The following CTTNBP2 variants were observed in gnomAD, a reference collection of about 807,000 sequenced individuals.
CTTNBP2 encodes the protein cortactin binding protein 2.
In CTTNBP2, 108 loss-of-function variants were observed where a neutral mutation model predicts 156.9. The observed-to-expected ratio is 0.69, with a 90% confidence interval of 0.59 to 0.81. CTTNBP2 has a LOEUF of 0.81. Ranked by LOEUF, CTTNBP2 falls within the 30% of genes least tolerant of loss-of-function variation. The pLI, the probability that CTTNBP2 is intolerant of heterozygous loss-of-function variation, is 0.00. For synonymous variants in CTTNBP2, 767 were observed against 751.8 expected, an observed-to-expected ratio of 1.02 and a Z score of -0.33; for missense variants, 1,924 against 2,035.4, an observed-to-expected ratio of 0.95 and a Z score of 1.05.
At position 117,791,255 on chromosome 7, in the gene CTTNBP2, G is replaced by T. The variant is rs1416284304; in HGVS notation, c.1941C>A (p.Asn647Lys). Residue 647 changes from asparagine to lysine, a missense_variant, in exon 4 of 23, where the codon AAC becomes AAA. Asn to Lys is a moderately conservative substitution (Grantham distance 94, BLOSUM62 0). Transcript: ENST00000160373. Reference sequence around the variant, plus strand: ...GGGAACTGTCTGAACATGCAGGTTGGTTCAGTCCGGGGGTTGCAGCAGGCC... The same window carrying T: ...GGGAACTGTCTGAACATGCAGGTTGTTTCAGTCCGGGGGTTGCAGCAGGCC... ...GAWPAATPGL[N>K]QPACSDSSLV... The T allele has an allele frequency of 6.2e-7, 1 of 1,614,182 alleles. No individual in the cohort carries two copies. The highest frequency in any genetic ancestry group is 1.7e-5 in the Admixed American group (1 of 60,026).
intron 2 of CTTNBP2, among the ~76,000 whole-genome samples, chr7:117,834,645 T>C (rs1451613232): frequency 6.6e-6 from 1 of 152,260 alleles, no homozygotes; most frequent in Non-Finnish European, 1.5e-5. Context: ...AAAGAATATG[T>C]ACCTAACTCA....
chr7:117,718,007 GGGACACTTACCTTT>G lies in CTTNBP2; in HGVS notation c.4743_4746+10del. 1 of 1,532,942 alleles carries G rather than the reference GGGACACTTACCTTT, an allele frequency of 6.5e-7. No homozygotes were observed. Among genetic ancestry groups the G allele is most frequent in the Non-Finnish European group, 9.0e-7 (1 of 1,106,254 alleles). 95.0% of individuals were successfully genotyped at this position (1,532,942 alleles called of 1,614,324 possible). On this transcript the variant is annotated splice_donor_variant and splice_donor_5th_base_variant and coding_sequence_variant and intron_variant, in exon 22 of 23. Transcript: ENST00000160373. LOFTEE classifies it high-confidence loss of function. ...ATCCTTTGTTCACTTTGGGGAGAAA[GGGACACTTACCTTT>G]TGTGACACTGGCATTCTCAGATTAT...
At chr7:117,837,196 T>A (rs1802009363) in intron 2 of CTTNBP2, among the ~76,000 whole-genome samples, 1 of 152,150 alleles carries the variant, frequency 6.6e-6, no homozygotes, top group African/African-American at 2.4e-5. Context: ...AGCCAATATA[T>A]CTCTTAGGAG....
intron 2 of CTTNBP2, among the ~76,000 whole-genome samples, chr7:117,847,856 A>G (rs1253576272): frequency 2.8e-5 from 3 of 106,862 alleles, no homozygotes; most frequent in Non-Finnish European, 5.0e-5. Context: ...TTTTTGAGAC[A>G]GAGTCTTGCC....
At position 117,735,430 on chromosome 7, in the gene CTTNBP2, A is replaced by T. The variant is rs992215636; in HGVS notation, c.3536-9T>A. 1.9e-6 allele frequency: 3 copies of T among 1,584,400 alleles called. No homozygotes were observed. The highest frequency in any genetic ancestry group is 2.6e-6 in the Non-Finnish European group (3 of 1,171,718). ...CACTGGGATCAGACAAGCTATAATAAAAAAGGAAATTCAGTGATTCAAGCT... is the reference window on the plus strand; with the variant it reads ...CACTGGGATCAGACAAGCTATAATATAAAAGGAAATTCAGTGATTCAAGCT... On this transcript the variant is annotated splice_polypyrimidine_tract_variant and intron_variant, in intron 14 of 22. Coordinates refer to ENST00000160373, the MANE Select transcript of CTTNBP2 (RefSeq NM_033427.3).
chr7:117,856,160 G>A (rs1803303269), intron 2 of CTTNBP2, among the ~76,000 whole-genome samples: 1 of 152,112 alleles, frequency 6.6e-6, no homozygotes, highest in Non-Finnish European at 1.5e-5. Flanking sequence ...ATGCAACTAG[G>A]AAAAGTTCCA....
intron 14 of CTTNBP2, among the ~76,000 whole-genome samples, chr7:117,737,085 A>T (rs1371406866): frequency 6.6e-6 from 1 of 152,142 alleles, no homozygotes; most frequent in Non-Finnish European, 1.5e-5. Context: ...AGAAACAATC[A>T]CAGCCACCTC....
chr7:117,714,861 G>A (rs1167602066), intron 22 of CTTNBP2, among the ~76,000 whole-genome samples: 1 of 152,192 alleles, frequency 6.6e-6, no homozygotes, highest in East Asian at 1.9e-4. Context: ...TGGAAGTCAA[G>A]CCTAGGGGGC....
intron 4 of CTTNBP2, among the ~76,000 whole-genome samples, chr7:117,789,873 A>G (rs1159889146): frequency 1.3e-5 from 2 of 152,222 alleles, no homozygotes; most frequent in African/African-American, 2.4e-5. Flanking sequence ...TCTAACTTCC[A>G]AGTCCATGCT....
At chr7:117,800,399 T>C (rs1220886479) in intron 3 of CTTNBP2, among the ~76,000 whole-genome samples, 1 of 152,062 alleles carries the variant, frequency 6.6e-6, no homozygotes, top group Non-Finnish European at 1.5e-5. Context: ...GATGGAAATA[T>C]TCTATATCTT....
chr7:117,838,974 G>GGGA (rs1384295694), intron 2 of CTTNBP2, among the ~76,000 whole-genome samples: 25 of 107,006 alleles, frequency 2.3e-4, no homozygotes, highest in African/African-American at 8.9e-4. Context: ...GGGCGGGGGG[G>GGGA]GGGCTTTTAA....
Position 117,856,333 on chromosome 7 carries a change from C to T in CTTNBP2, c.189+4876G>A, listed in dbSNP as rs188800650. On this transcript the variant is annotated intron_variant, in intron 2 of 22. Coordinates refer to ENST00000160373, the MANE Select transcript of CTTNBP2 (RefSeq NM_033427.3). ...TTTAAGCATGCTGATGAGGCTAACTCCCTAAGAAGAGTAGTAAAACAAAAA... is the reference window on the plus strand; with the variant it reads ...TTTAAGCATGCTGATGAGGCTAACTTCCTAAGAAGAGTAGTAAAACAAAAA... 2.0e-4 allele frequency among the ~76,000 whole-genome samples: 31 copies of T among 152,332 alleles called. No individual in the cohort carries two copies. In the East Asian group the frequency reaches 5.4e-3, roughly 27 times the overall value.
rs1795508646 is a variant in CTTNBP2 at position 117,733,362 on chromosome 7, C to T, written c.3876+1551G>A. On this transcript the variant is annotated intron_variant, in intron 16 of 22. Coordinates refer to ENST00000160373, the MANE Select transcript of CTTNBP2 (RefSeq NM_033427.3). ...AGTGAACCTGAAGCTTGGAACTTTC[C>T]TTTCAAAGTAAGTTAAAACAATTTT... 2.0e-5 allele frequency among the ~76,000 whole-genome samples: 3 copies of T among 152,166 alleles called. No homozygotes were observed. In the South Asian group the frequency reaches 6.2e-4, roughly 32 times the overall value.
At position 117,758,531 on chromosome 7, in the gene CTTNBP2, T is replaced by A. The variant is rs117219073; in HGVS notation, c.3173-561A>T. 4.1e-3 allele frequency among the ~76,000 whole-genome samples: 627 copies of A among 152,288 alleles called. 2 individuals carry two copies. The highest frequency in any genetic ancestry group is 5.1e-3 in the Non-Finnish European group (349 of 68,026). The stretch of plus-strand genomic sequence containing the variant: ...CTTCATAGGTATCTTCCCTAGGGGA[T>A]GATTGGTAATAAGTATTTTTTTTCA... On this transcript the variant is annotated intron_variant, in intron 10 of 22. Coordinates refer to ENST00000160373, the MANE Select transcript of CTTNBP2 (RefSeq NM_033427.3).
rs1308101221 is a variant in CTTNBP2, at chr7:117,819,365, T to TCACACA, written c.190-8377_190-8376insTGTGTG. ...TCTTTCTCTTTTCTCCTTCTCTCTCTCTCACACACACACACACACACACAC... is the reference window on the plus strand; with the variant it reads ...TCTTTCTCTTTTCTCCTTCTCTCTCTCACACACTCACACACACACACACACACACAC... On this transcript the variant is annotated intron_variant, in intron 2 of 22. Coordinates refer to ENST00000160373, the MANE Select transcript of CTTNBP2 (RefSeq NM_033427.3). 1.5e-3 allele frequency among the ~76,000 whole-genome samples: 211 copies of TCACACA among 136,880 alleles called. 3 individuals are homozygous for TCACACA. The highest frequency in any genetic ancestry group is 6.9e-3 in the Admixed American group (96 of 13,976). The allele number at this position is 136,880 out of a possible 152,430, so 89.8% of individuals were successfully genotyped here.
chr7:117,766,800 T>C (rs1797509214), intron 9 of CTTNBP2, among the ~76,000 whole-genome samples: 1 of 152,078 alleles, frequency 6.6e-6, no homozygotes, highest in Non-Finnish European at 1.5e-5. Flanking sequence ...AAAAATGCAA[T>C]AAATATTTAG....
At chr7:117,757,520 A>C (rs867439312) in intron 11 of CTTNBP2, among the ~76,000 whole-genome samples, 5 of 143,200 alleles carry the variant, frequency 3.5e-5, no homozygotes, top group Non-Finnish European at 4.5e-5. Flanking sequence ...AAGCATTATT[A>C]AGCACAGTAA....
chr7:117,773,442 C>T (rs1181992692), intron 8 of CTTNBP2, among the ~76,000 whole-genome samples: 3 of 152,106 alleles, frequency 2.0e-5, no homozygotes, highest in Non-Finnish European at 2.9e-5. Flanking sequence ...GGGCTACCAC[C>T]TGATCAGAGG....
chr7:117,799,862 T>A (rs559238485), intron 3 of CTTNBP2, among the ~76,000 whole-genome samples: 1 of 152,206 alleles, frequency 6.6e-6, no homozygotes, highest in African/African-American at 2.4e-5. Context: ...TACCTGCACA[T>A]TAACAACAAA....
Sources: gnomAD v4.1 joint callset for allele counts (sites outside exome capture counted in the v4.1 genomes callset) on GRCh38, gnomAD v4.1.1 for gene constraint, MANE v1.5 for transcripts, NCBI Gene and HGNC (gene_info 2026-07-23, HGNC 2026-07-21) for gene names.